The following MAPK8 variants were observed in gnomAD, a reference collection of about 807,000 sequenced individuals.
MAPK8 encodes JUN N-terminal kinase.
A neutral mutation model predicts 52.9 loss-of-function variants in MAPK8; 13 were observed. The ratio of observed to expected loss-of-function variants is 0.25; its 90% CI spans 0.16 to 0.39. MAPK8 has a LOEUF of 0.39. MAPK8 is among the 10% of genes least tolerant of loss of function. The pLI, the probability that MAPK8 is intolerant of heterozygous loss-of-function variation, is 1.00. For missense variants in MAPK8, 300 were observed against 519.2 expected (o/e 0.58, Z 4.10); for synonymous variants, 191 against 169.8 (o/e 1.12, Z -0.97).
intron 1 of MAPK8, among the ~76,000 whole-genome samples, chr10:48,332,297 G>A (rs1844231214): frequency 3.3e-5 from 5 of 152,126 alleles, no homozygotes; most frequent in Admixed American, 3.3e-4. Flanking sequence ...CCTGTGGCCT[G>A]TTTTCTGATC....
chr10:48,348,867 C>CG (rs1455310199), intron 1 of MAPK8, among the ~76,000 whole-genome samples: 10 of 150,634 alleles, frequency 6.6e-5, no homozygotes, highest in Non-Finnish European at 5.9e-5. Flanking sequence ...CTTGGCTATA[C>CG]GGGCTCTTTT....
intron 1 of MAPK8, among the ~76,000 whole-genome samples, chr10:48,363,525 T>C (rs1329777833): frequency 6.6e-6 from 1 of 152,222 alleles, no homozygotes; most frequent in Non-Finnish European, 1.5e-5. Flanking sequence ...AACTCTACCC[T>C]GAAAAATTTG....
chr10:48,329,354 G>A lies in MAPK8; in HGVS notation c.-50+22533G>A, dbSNP rs377420860. On this transcript the variant is annotated intron_variant, in intron 1 of 11. Transcript: ENST00000374189. ...ACCATAAGCCTTAGTATGGCATTGC[G>A]AGCACCAGTTAATTAAGCAATAACG... is the stretch of plus-strand genomic sequence containing the variant. 1.1e-4 allele frequency among the ~76,000 whole-genome samples: 16 copies of A among 152,178 alleles called. 1 individual carries two copies. In the East Asian group the frequency reaches 1.3e-3, roughly 13 times the overall value.
intron 5 of MAPK8, among the ~76,000 whole-genome samples, chr10:48,413,793 A>C (rs374366126): frequency 3.5e-4 from 44 of 127,410 alleles, no homozygotes; most frequent in African/African-American, 1.3e-3. Flanking sequence ...AAGTTACCAA[A>C]ATTGAGTATT....
At chr10:48,408,564 T>C (rs960233675) in intron 3 of MAPK8, among the ~76,000 whole-genome samples, 3 of 152,240 alleles carry the variant, frequency 2.0e-5, no homozygotes, top group African/African-American at 4.8e-5. Flanking sequence ...TGGCATATCA[T>C]GGAGGCTTTT....
At chr10:48,340,292 C>T (rs1845124914) in intron 1 of MAPK8, among the ~76,000 whole-genome samples, 1 of 152,112 alleles carries the variant, frequency 6.6e-6, no homozygotes, top group Non-Finnish European at 1.5e-5. Flanking sequence ...TGAATTAATG[C>T]AGAAACAGAA....
intron 1 of MAPK8, among the ~76,000 whole-genome samples, chr10:48,383,416 T>A (rs2041130048): frequency 6.6e-6 from 1 of 152,176 alleles, no homozygotes; most frequent in South Asian, 2.1e-4. Context: ...CCCTAAAGGG[T>A]CAAGAGTCAT....
At position 48,437,822 on chromosome 10, in the gene MAPK8, A is replaced by C. The variant is rs533493156; in HGVS notation, c.*2793A>C. On this transcript the variant is annotated 3_prime_UTR_variant, in exon 12 of 12. Coordinates refer to ENST00000374189, the MANE Select transcript of MAPK8 (RefSeq NM_001323329.2). ...TCAGAAGCCTACACACAACCCCCTT[A>C]ACAATCCAAAGAAGCTTGATGGTGT... The C allele has an allele frequency of 3.9e-5, 6 of 152,376 alleles. No individual in the cohort carries two copies. The highest frequency in any genetic ancestry group is 1.4e-4 in the African/African-American group (6 of 41,576). 9.4% of individuals were successfully genotyped at this position (152,376 alleles called of 1,614,324 possible).
At chr10:48,318,821 A>G (rs1842733990) in intron 1 of MAPK8, among the ~76,000 whole-genome samples, 1 of 152,244 alleles carries the variant, frequency 6.6e-6, no homozygotes, top group Non-Finnish European at 1.5e-5. Flanking sequence ...GGCTAGACGA[A>G]CAAGAAAGGT....
intron 10 of MAPK8, among the ~76,000 whole-genome samples, chr10:48,429,124 A>G (rs1371654929): frequency 1.3e-5 from 2 of 151,642 alleles, no homozygotes; most frequent in Admixed American, 6.6e-5. Context: ...CGCCCAGCCT[A>G]ATTTTTAAAA....
At chr10:48,379,794 A>G (rs921648025) in intron 1 of MAPK8, among the ~76,000 whole-genome samples, 4 of 152,172 alleles carry the variant, frequency 2.6e-5, no homozygotes, top group Non-Finnish European at 4.4e-5. Flanking sequence ...GGAAATTTTT[A>G]CCTAGTCCAA....
chr10:48,412,164 G>A (rs1456798718), intron 5 of MAPK8, among the ~76,000 whole-genome samples: 2 of 152,140 alleles, frequency 1.3e-5, no homozygotes, highest in African/African-American at 2.4e-5. Context: ...CACTTTAGAT[G>A]TATCATCCAT....
chr10:48,357,033 G>A (rs1050047424), intron 1 of MAPK8, among the ~76,000 whole-genome samples: 3 of 151,830 alleles, frequency 2.0e-5, no homozygotes, highest in Admixed American at 6.6e-5. Flanking sequence ...GTAACACTTC[G>A]ATGGGAAAAT....
intron 1 of MAPK8, among the ~76,000 whole-genome samples, chr10:48,321,634 GT>G (rs1247187829): frequency 7.9e-5 from 12 of 152,094 alleles, no homozygotes; most frequent in Admixed American, 6.6e-4. Context: ...GAGTTTTATA[GT>G]TTTAGCTCTT....
intron 1 of MAPK8, among the ~76,000 whole-genome samples, chr10:48,322,760 G>A (rs898960247): frequency 2.0e-5 from 3 of 152,076 alleles, no homozygotes; most frequent in Non-Finnish European, 4.4e-5. Context: ...CCCTTCAGGG[G>A]GAGAAATGGC....
rs1212190756 is a variant in MAPK8, at chr10:48,436,097, G to A, written c.*1068G>A. On this transcript the variant is annotated 3_prime_UTR_variant, in exon 12 of 12. Transcript: ENST00000374189. ...AATCATTTATACGAGCTATTGGGAG[G>A]TTCCAAACCCTACCTAGATTTGTGT... is the stretch of plus-strand genomic sequence containing the variant. 1.3e-5 allele frequency: 2 copies of A among 152,238 alleles called. No homozygotes were observed. Among genetic ancestry groups the A allele is most frequent in the South Asian group, 4.2e-4 (2 of 4,812 alleles). The allele number at this position is 152,238 out of a possible 1,614,324, so 9.4% of individuals were successfully genotyped here. A position where few individuals can be genotyped will look rare whatever the true frequency, so the allele number is the denominator to read the frequency against.
At chr10:48,343,522 GC>G (rs942847845) in intron 1 of MAPK8, among the ~76,000 whole-genome samples, 49 of 152,300 alleles carry the variant, frequency 3.2e-4, no homozygotes, top group African/African-American at 1.2e-3. Context: ...CTTCAAGGTA[GC>G]ATTTTTGAAC....
At chr10:48,380,982 A>G (rs1290685266) in intron 1 of MAPK8, among the ~76,000 whole-genome samples, 2 of 152,142 alleles carry the variant, frequency 1.3e-5, no homozygotes, top group East Asian at 3.9e-4. Flanking sequence ...AATAAGACCT[A>G]ATAAAGGCAG....
rs1242290798 is a variant in MAPK8 at position 48,335,261 on chromosome 10, G to A, written c.-50+28440G>A. 2.0e-5 allele frequency among the ~76,000 whole-genome samples: 3 copies of A among 152,028 alleles called. No individual in the cohort carries two copies. The East Asian group carries it at 5.8e-4, about 29-fold the overall frequency. On this transcript the variant is annotated intron_variant, in intron 1 of 11. Transcript: ENST00000374189. ...AATTCTAGTTAATCATGCAGTGGAAGTTTATTATGTTTAAATAAATTTTAA... is the reference window on the plus strand; with the variant it reads ...AATTCTAGTTAATCATGCAGTGGAAATTTATTATGTTTAAATAAATTTTAA...
Sources: allele counts gnomAD v4.1 joint callset (sites outside exome capture counted in the v4.1 genomes callset), GRCh38; gene constraint gnomAD v4.1.1; transcripts MANE v1.5; gene names NCBI Gene and HGNC (gene_info 2026-07-23, HGNC 2026-07-21).